ZNF536: variants seen among roughly 807,000 people sequenced by gnomAD.
The protein encoded by ZNF536 is zinc finger protein 536.
A neutral mutation model predicts 84.5 loss-of-function variants in ZNF536; 13 were observed. The observed-to-expected ratio is 0.15, with a 90% CI of 0.10 to 0.24. The LOEUF (loss-of-function observed/expected upper bound fraction) is 0.24, where lower values mean the gene tolerates loss of function less well. ZNF536 is among the 10% of genes least tolerant of loss of function. The pLI is 1.00. For synonymous variants in ZNF536, 811 were observed against 742.5 expected (o/e 1.09, Z -1.50); for missense variants, 1,536 against 1,747.5 (o/e 0.88, Z 2.16).
At chr19:30,369,397 A>C (rs1168541252), upstream of ZNF536, among the ~76,000 whole-genome samples, 1 of 152,214 alleles carries the variant, frequency 6.6e-6, no homozygotes, top group East Asian at 1.9e-4. Flanking sequence ...GAAAACCAGA[A>C]TGGTAGCACA....
intron 3 of ZNF536, among the ~76,000 whole-genome samples, chr19:30,364,395 C>T (rs777523125): frequency 3.6e-4 from 54 of 152,078 alleles, no homozygotes; most frequent in Admixed American, 7.9e-4. Context: ...GGCATGGTGG[C>T]GTGCACCTGC....
intron 4 of ZNF536, among the ~76,000 whole-genome samples, chr19:30,550,663 G>A (rs1390366876): frequency 6.6e-6 from 1 of 152,044 alleles, no homozygotes; most frequent in African/African-American, 2.4e-5. Flanking sequence ...ATAGAAGAGA[G>A]TATTTTTGAA....
At chr19:30,432,006 T>TATATATATATATATATAC (rs149223384) in intron 1 of ZNF536, among the ~76,000 whole-genome samples, 110 of 146,074 alleles carry the variant, frequency 7.5e-4, no homozygotes, top group Middle Eastern at 3.5e-3. Context: ...TATATATATA[T>TATATATATATATATATAC]ACACACACAC....
chr19:30,285,937 G>A lies in ZNF536; in HGVS notation c.-120+1796G>A, dbSNP rs183807944. Reference sequence around the variant, plus strand: ...ATAGGAAAACGAGCAGATATTTTTGGCATGTCGGGGAATTCCTGTCAGAGT... The same window carrying A: ...ATAGGAAAACGAGCAGATATTTTTGACATGTCGGGGAATTCCTGTCAGAGT... On this transcript the variant is annotated intron_variant, in intron 2 of 5. Transcript: ENST00000585628. 2.0e-5 allele frequency among the ~76,000 whole-genome samples: 3 copies of A among 152,314 alleles called. No homozygotes were observed. The East Asian group carries it at 5.8e-4, about 29-fold the overall frequency.
At chr19:30,242,133 G>A (rs7249102) in intron 1 of ZNF536, among the ~76,000 whole-genome samples, 3,284 of 152,138 alleles carry the variant, frequency 0.022, 102 homozygotes, top group African/African-American at 0.075. Flanking sequence ...CTCTCCTGCC[G>A]TCCAAAGTCA....
intron 1 of ZNF536, among the ~76,000 whole-genome samples, chr19:30,664,203 TTTCTCTCTCTCTCTCTCTCTCTCTCTC>T (rs1568650174): frequency 2.3e-5 from 2 of 88,708 alleles, no homozygotes; most frequent in Non-Finnish European, 4.0e-5. Context: ...CTTGCTGAGT[TTTCTCTCTCTCTCTCTCTCTCTCTCTC>T]TCTCTCTCTC....
chr19:30,630,187 G>C (rs965691194), intron 1 of ZNF536, among the ~76,000 whole-genome samples: 1 of 152,192 alleles, frequency 6.6e-6, no homozygotes, highest in Admixed American at 6.5e-5. Flanking sequence ...AGGTTGAATC[G>C]GGGCATTCTT....
In ZNF536 at chr19:30,667,291, C is replaced by T. The variant is rs182332144; in HGVS notation, c.170-43466C>T. ...GGAAACTGAGGCTCAGAGGAGCAAT[C>T]GCCTGTCCCAGTAGCAGAACAGGGG... On this transcript the variant is annotated intron_variant, in intron 1 of 1. Coordinates refer to the ZNF536 transcript ENST00000592773. Among the ~76,000 whole-genome samples, 85 of 152,292 alleles carry T rather than the reference C, an allele frequency of 5.6e-4. 2 individuals carry two copies. Among genetic ancestry groups the T allele is most frequent in the Admixed American group, 4.7e-3 (72 of 15,300 alleles).
chr19:30,323,405 A>T (rs1321565583), intron 2 of ZNF536, among the ~76,000 whole-genome samples: 1 of 152,098 alleles, frequency 6.6e-6, no homozygotes. Flanking sequence ...TTGAATTTTT[A>T]ATTCACCCAC....
intron 2 of ZNF536, among the ~76,000 whole-genome samples, chr19:30,308,927 A>G (rs1019939559): frequency 6.6e-6 from 1 of 152,150 alleles, no homozygotes; most frequent in Non-Finnish European, 1.5e-5. Context: ...CTATTCAATG[A>G]CAGTGTGATT....
At chr19:30,529,428 C>T (rs1345156872) in intron 2 of ZNF536, among the ~76,000 whole-genome samples, 2 of 152,144 alleles carry the variant, frequency 1.3e-5, no homozygotes, top group Non-Finnish European at 2.9e-5. Context: ...CTTTGTCTAA[C>T]TGGTACTGCC....
intron 2 of ZNF536, among the ~76,000 whole-genome samples, chr19:30,466,584 A>AAGAAAGAGAG (rs1555775076): frequency 9.3e-4 from 135 of 144,464 alleles, no homozygotes; most frequent in African/African-American, 2.6e-3. Context: ...GAAAGAAAGA[A>AAGAAAGAGAG]AGAGAGAGAG....
intron 1 of ZNF536, among the ~76,000 whole-genome samples, chr19:30,396,069 A>G (rs1418534600): frequency 6.6e-6 from 1 of 152,198 alleles, no homozygotes; most frequent in Admixed American, 6.5e-5. Context: ...TGTATCCACC[A>G]TTGCAGTATC....
chr19:30,234,765 A>ACG (rs1308844576), intron 1 of ZNF536, among the ~76,000 whole-genome samples: 75 of 144,212 alleles, frequency 5.2e-4, no homozygotes, highest in African/African-American at 1.9e-3. Context: ...ACACACACAC[A>ACG]CACACACACG....
intron 1 of ZNF536, among the ~76,000 whole-genome samples, chr19:30,673,548 G>C (rs1459144614): frequency 6.6e-6 from 1 of 152,120 alleles, no homozygotes; most frequent in Admixed American, 6.5e-5. Context: ...CAGCACCATG[G>C]CCCTGGCCAC....
At chr19:30,559,123 GGA>G (rs2146398994), downstream of ZNF536, among the ~76,000 whole-genome samples, 1 of 152,226 alleles carries the variant, frequency 6.6e-6, no homozygotes, top group African/African-American at 2.4e-5. Context: ...TGAGAGATTC[GGA>G]GTCTGAGAAG....
intron 1 of ZNF536, among the ~76,000 whole-genome samples, chr19:30,684,045 A>G (rs2051077140): frequency 6.6e-6 from 1 of 152,136 alleles, no homozygotes; most frequent in Non-Finnish European, 1.5e-5. Context: ...TTCTTGGAAA[A>G]TTATCTATCT....
At position 30,622,958 on chromosome 19, in the gene ZNF536, T is replaced by A. The variant is rs112098584; in HGVS notation, c.169+73444T>A. Among the ~76,000 whole-genome samples, 582 of 151,296 alleles carry A rather than the reference T, an allele frequency of 3.8e-3. 7 individuals are homozygous for A. Among genetic ancestry groups the A allele is most frequent in the African/African-American group, 0.013 (538 of 41,276 alleles). On this transcript the variant is annotated intron_variant, in intron 1 of 1. Transcript: ENST00000592773. ...CCACTCCTCCTAGAGTTTTTTTTTT[T>A]CTTTTATCTCTGTTAACAGCAGCTC...
chr19:30,488,385 C>G (rs947540644), intron 2 of ZNF536, among the ~76,000 whole-genome samples: 6 of 152,162 alleles, frequency 3.9e-5, no homozygotes, highest in African/African-American at 1.4e-4. Context: ...CACCCTGCTA[C>G]TTTGTGAGGA....
Sources: gnomAD v4.1 joint callset for allele counts (sites outside exome capture counted in the v4.1 genomes callset) on GRCh38, gnomAD v4.1.1 for gene constraint, MANE v1.5 for transcripts, NCBI Gene and HGNC (gene_info 2026-07-23, HGNC 2026-07-21) for gene names.